Variants in MAPKAPK5 observed in about 807,000 individuals in gnomAD.
The protein encoded by MAPKAPK5 is MAPK activated protein kinase 5.
MAPKAPK5 carries 30 observed loss-of-function variants against 65.1 expected under a neutral mutation model. That is an observed-to-expected ratio of 0.46 (90% confidence interval 0.34 to 0.63). MAPKAPK5 has a LOEUF of 0.63. MAPKAPK5 is among the 20% of genes least tolerant of loss of function. The pLI is 0.01. For synonymous variants in MAPKAPK5, 179 were observed against 204.6 expected (o/e 0.87, Z 1.07); for missense variants, 433 against 581.4 (o/e 0.74, Z 2.63).
At chr12:111,844,445 C>T (rs1182864042) in intron 1 of MAPKAPK5, among the ~76,000 whole-genome samples, 1 of 152,222 alleles carries the variant, frequency 6.6e-6, no homozygotes, top group Non-Finnish European at 1.5e-5. Flanking sequence ...CCCGCCTCGG[C>T]CTCCCAAAGT....
intron 9 of MAPKAPK5, among the ~76,000 whole-genome samples, chr12:111,884,654 G>C (rs2070345564): frequency 6.6e-6 from 1 of 152,182 alleles, no homozygotes; most frequent in African/African-American, 2.4e-5. Context: ...TGTTTTTTCT[G>C]CCCACCTGTG....
chr12:111,852,578 G>A (rs1032133560), intron 1 of MAPKAPK5, among the ~76,000 whole-genome samples: 11 of 152,218 alleles, frequency 7.2e-5, no homozygotes, highest in African/African-American at 2.4e-4. Context: ...AAATTTTGGG[G>A]GAGTCAGAAG....
Position 111,868,808 on chromosome 12 carries a change from A to G in MAPKAPK5, c.340A>G (p.Ile114Val). The change falls in exon 5 of 14, where the codon ATC becomes GTC. Residue 114 changes from isoleucine to valine, a missense_variant. This residue lies in a region of MAPKAPK5 where 165 missense variants were observed against 180.0 expected (regional missense o/e 0.92). Transcript: ENST00000550735. ...MMEGGELFHR[I>V]SQHRHFTEKQ... Reference sequence around the variant, plus strand: ...GGAAGGGGGAGAGCTATTTCACAGAATCAGCCAGCACCGGCACTTTACAGA... The same window carrying G: ...GGAAGGGGGAGAGCTATTTCACAGAGTCAGCCAGCACCGGCACTTTACAGA... 1 of 1,570,342 alleles carries G rather than the reference A, an allele frequency of 6.4e-7. No homozygotes were observed. Among genetic ancestry groups the G allele is most frequent in the Non-Finnish European group, 8.6e-7 (1 of 1,157,798 alleles).
At chr12:111,871,935 A>G (rs1206208933) in intron 7 of MAPKAPK5, among the ~76,000 whole-genome samples, 1 of 152,226 alleles carries the variant, frequency 6.6e-6, no homozygotes, top group Non-Finnish European at 1.5e-5. Flanking sequence ...AGAAAAATGT[A>G]ATCGTGGACT....
chr12:111,890,287 T>G, intron 13 of MAPKAPK5, 143 bp downstream of exon 13: 1 of 645,554 alleles, frequency 1.5e-6, no homozygotes, highest in Non-Finnish European at 2.8e-6. Flanking sequence ...CATTGTGGAA[T>G]GGGGGTTAGC....
chr12:111,876,035 G>A (rs186065643), intron 7 of MAPKAPK5, among the ~76,000 whole-genome samples: 7 of 151,620 alleles, frequency 4.6e-5, no homozygotes, highest in Non-Finnish European at 7.4e-5. Context: ...GTGAAACCCC[G>A]TCTCTACTAA....
In MAPKAPK5 at chr12:111,901,747, C is replaced by T. The variant is rs2071071329; in HGVS notation, c.*8686C>T. The T allele has an allele frequency of 9.0e-6, 2 of 221,554 alleles. No individual in the cohort carries two copies. The highest frequency in any genetic ancestry group is 1.8e-5 in the Non-Finnish European group (2 of 110,630). 13.7% of individuals were successfully genotyped at this position (221,554 alleles called of 1,614,324 possible). A position where few individuals can be genotyped will look rare whatever the true frequency, so the allele number is the denominator to read the frequency against. ...ATGAAGCCAAGTATATCAAACTCCT[C>T]AAGTACTGAGTGGGAATGAGATGTT... On this transcript the variant is annotated 3_prime_UTR_variant, in exon 14 of 14. Transcript: ENST00000550735.
At position 111,901,167 on chromosome 12, in the gene MAPKAPK5, G is replaced by A. The variant is rs1332479343; in HGVS notation, c.*8106G>A. 2.2e-6 allele frequency: 1 copy of A among 455,488 alleles called. No individual in the cohort carries two copies. Among genetic ancestry groups the A allele is most frequent in the Non-Finnish European group, 4.4e-6 (1 of 226,718 alleles). The allele number at this position is 455,488 out of a possible 1,614,324, so 28.2% of individuals were successfully genotyped here. A position where few individuals can be genotyped will look rare whatever the true frequency, so the allele number is the denominator to read the frequency against. On this transcript the variant is annotated 3_prime_UTR_variant, in exon 14 of 14. Coordinates refer to ENST00000550735, the MANE Select transcript of MAPKAPK5 (RefSeq NM_003668.4). ...GAGTACTGACATTCCTGATGAAGGA[G>A]ATGTGCACAATGGCACTTACTGTGC... is the stretch of plus-strand genomic sequence containing the variant.
chr12:111,842,773 AG>A lies in MAPKAPK5; in HGVS notation c.36+9del. ...CGACATGGACAAAGCCATCAAGGTA[AG>A]GGGGAGGTGCCCCCTCTTCCCCCGC... is the stretch of plus-strand genomic sequence containing the variant. On this transcript the variant is annotated splice_donor_5th_base_variant and intron_variant, in intron 1 of 13. Coordinates refer to ENST00000550735, the MANE Select transcript of MAPKAPK5 (RefSeq NM_003668.4). 1 of 1,328,886 alleles carries A rather than the reference AG, an allele frequency of 7.5e-7. No individual in the cohort carries two copies. The highest frequency in any genetic ancestry group is 2.7e-5 in the South Asian group (1 of 36,762). 82.3% of individuals were successfully genotyped at this position (1,328,886 alleles called of 1,614,324 possible).
At chr12:111,850,509 G>A (rs2069046263) in intron 1 of MAPKAPK5, among the ~76,000 whole-genome samples, 1 of 152,306 alleles carries the variant, frequency 6.6e-6, no homozygotes, top group Non-Finnish European at 1.5e-5. Flanking sequence ...TAACTGTAGA[G>A]AGGTTTGGCT....
chr12:111,872,695 GC>G (rs1306633888), intron 7 of MAPKAPK5, among the ~76,000 whole-genome samples: 1 of 152,168 alleles, frequency 6.6e-6, no homozygotes, highest in Non-Finnish European at 1.5e-5. Flanking sequence ...GCCTTTTCCA[GC>G]TTCTAGAGGC....
chr12:111,868,708 CTTT>C (rs75586211), intron 4 of MAPKAPK5, 42 bp from the exon 5 acceptor site: 1,661 of 1,275,540 alleles, frequency 1.3e-3, no homozygotes, highest in Non-Finnish European at 1.4e-3. Context: ...GTTTCTTTTT[CTTT>C]TTTTTTTTTT....
At chr12:111,842,800 G>A in intron 1 of MAPKAPK5, 31 bp downstream of exon 1, 1 of 1,308,736 alleles carries the variant, frequency 7.6e-7, no homozygotes, top group South Asian at 3.0e-5. Flanking sequence ...CTTCCCCCGC[G>A]TTGTCCTGTG....
intron 9 of MAPKAPK5, among the ~76,000 whole-genome samples, chr12:111,884,265 C>T (rs1256340825): frequency 6.6e-6 from 1 of 152,166 alleles, no homozygotes; most frequent in African/African-American, 2.4e-5. Flanking sequence ...GGGTGGAGTG[C>T]AGTGGTACAA....
intron 2 of MAPKAPK5, 104 bp from the exon 3 acceptor site, chr12:111,866,052 C>A: frequency 1.1e-6 from 1 of 882,682 alleles, no homozygotes; most frequent in Non-Finnish European, 1.7e-6. Context: ...ATGCACCTGG[C>A]CATATCCTTG....
rs1430130962 is a variant in MAPKAPK5, at chr12:111,901,045, G to A, written c.*7984G>A. ...AATATATTTTGTGGGAAACTTATAT[G>A]TTCAGGTATTACAGGCTTACCAAAA... On this transcript the variant is annotated 3_prime_UTR_variant, in exon 14 of 14. Coordinates refer to ENST00000550735, the MANE Select transcript of MAPKAPK5 (RefSeq NM_003668.4). 2.2e-6 allele frequency: 1 copy of A among 456,064 alleles called. No homozygotes were observed. Among genetic ancestry groups the A allele is most frequent in the Admixed American group, 2.3e-5 (1 of 42,574 alleles). 28.3% of individuals were successfully genotyped at this position (456,064 alleles called of 1,614,324 possible). A position where few individuals can be genotyped will look rare whatever the true frequency, so the allele number is the denominator to read the frequency against.
chr12:111,842,923 G>A, intron 1 of MAPKAPK5, 154 bp downstream of exon 1: 1 of 628,198 alleles, frequency 1.6e-6, no homozygotes. Context: ...TTACAGCCCT[G>A]GGGCCAAGGG....
At chr12:111,845,036 A>T (rs550496818) in intron 1 of MAPKAPK5, among the ~76,000 whole-genome samples, 1 of 152,296 alleles carries the variant, frequency 6.6e-6, no homozygotes, top group Admixed American at 6.5e-5. Context: ...CAGAAGAGAG[A>T]CATAGTTCCA....
intron 1 of MAPKAPK5, among the ~76,000 whole-genome samples, chr12:111,847,940 C>T (rs1018861321): frequency 6.6e-6 from 1 of 152,190 alleles, no homozygotes; most frequent in Non-Finnish European, 1.5e-5. Flanking sequence ...CATGCTTTAG[C>T]AGTTCATTCT....
Sources: allele counts gnomAD v4.1 joint callset (sites outside exome capture counted in the v4.1 genomes callset), GRCh38; gene constraint gnomAD v4.1.1; regional missense constraint gnomAD v4.1.1; transcripts MANE v1.5; gene names NCBI Gene and HGNC (gene_info 2026-07-23, HGNC 2026-07-21).